MKI67: variants seen among roughly 807,000 people sequenced by gnomAD.
MKI67 encodes the protein proliferation marker protein Ki-67.
Under a neutral mutation model 233.5 loss-of-function variants are expected in MKI67, and 152 were observed. That is an observed-to-expected ratio of 0.65 (90% CI 0.57 to 0.74). The LOEUF is 0.74. Among genes scored for constraint, MKI67 ranks in the 30% least tolerant of loss-of-function variants. MKI67 has a pLI of 0.00. For missense variants in MKI67, 3,940 were observed against 3,885.2 expected, an observed-to-expected ratio of 1.01 and a Z score of -0.37; for synonymous variants, 1,465 against 1,418.5, an observed-to-expected ratio of 1.03 and a Z score of -0.74.
At chr10:128,121,579 A>G (rs10764750) in intron 4 of MKI67, among the ~76,000 whole-genome samples, 40,858 of 126,366 alleles carry the variant, frequency 0.32, 6,070 homozygotes, top group East Asian at 0.36. Flanking sequence ...TTATAATTAT[A>G]TATTATATAA....
intron 11 of MKI67, 96 bp downstream of exon 11, chr10:128,111,549 T>TAA: frequency 1.1e-6 from 1 of 951,180 alleles, no homozygotes; most frequent in Non-Finnish European, 1.5e-6. Context: ...TTATAATCTC[T>TAA]TTCACAGCAG....
rs546828967 is a variant in MKI67, at chr10:128,097,010, G to A, written c.*2180C>T. 1 of 152,734 alleles carries A rather than the reference G, an allele frequency of 6.5e-6. No homozygotes were observed. The highest frequency in any genetic ancestry group is 1.9e-4 in the East Asian group (1 of 5,178). 9.5% of individuals were successfully genotyped at this position (152,734 alleles called of 1,614,324 possible). ...GGGAAAACAGCAGGGAGTGTGTGGT[G>A]GTTGGAGGTGCCTGCCTAAGGGAGG... is the stretch of plus-strand genomic sequence containing the variant. On this transcript the variant is annotated 3_prime_UTR_variant, in exon 15 of 15. Coordinates refer to ENST00000368654, the MANE Select transcript of MKI67 (RefSeq NM_002417.5).
At chr10:128,118,475 C>G (rs1433581211) in intron 5 of MKI67, among the ~76,000 whole-genome samples, 1 of 150,200 alleles carries the variant, frequency 6.7e-6, no homozygotes, top group African/African-American at 2.4e-5. Flanking sequence ...CCTAAGATAA[C>G]TCTCCTAAGC....
chr10:128,106,632 G>A lies in MKI67; in HGVS notation c.5208C>T (p.Ser1736=), dbSNP rs1375900306. 1 of 1,614,146 alleles carries A rather than the reference G, an allele frequency of 6.2e-7. No individual in the cohort carries two copies. The highest frequency in any genetic ancestry group is 1.1e-5 in the South Asian group (1 of 91,086). ...SMTNEKTTKV[S]YRASQPDLVD... is the part of the protein sequence containing the mutation. ...CTAGGTCTGGCTGTGAAGCTCTGTA[G>A]GATACTTTGGTAGTTTTTTCGTTAG... Residue 1736 remains serine, a synonymous_variant, in exon 13 of 15, where the codon TCC becomes TCT. Coordinates refer to ENST00000368654, the MANE Select transcript of MKI67 (RefSeq NM_002417.5).
Position 128,098,926 on chromosome 10 carries a change from C to A in MKI67, c.*264G>T. 3.2e-6 allele frequency: 1 copy of A among 314,966 alleles called. No homozygotes were observed. Among genetic ancestry groups the A allele is most frequent in the Non-Finnish European group, 5.9e-6 (1 of 170,798 alleles). 19.5% of individuals were successfully genotyped at this position (314,966 alleles called of 1,614,324 possible). A position where few individuals can be genotyped will look rare whatever the true frequency, so the allele number is the denominator to read the frequency against. The stretch of plus-strand genomic sequence containing the variant: ...CTGTGGGTGGTGACAGACCTCAAGG[C>A]TTCATTCTGCAAAGCTGAGGGCAAA... On this transcript the variant is annotated 3_prime_UTR_variant, in exon 15 of 15. Transcript: ENST00000368654.
chr10:128,114,313 G>A (rs1297684857), intron 7 of MKI67, among the ~76,000 whole-genome samples: 1 of 152,162 alleles, frequency 6.6e-6, no homozygotes, highest in African/African-American at 2.4e-5. Context: ...TCCTACCTCT[G>A]CCACTTCCTG....
At chr10:128,113,087 C>T (rs1404478671) in intron 8 of MKI67, among the ~76,000 whole-genome samples, 1 of 152,168 alleles carries the variant, frequency 6.6e-6, no homozygotes, top group Non-Finnish European at 1.5e-5. Context: ...TATGGGTCGA[C>T]GTGGTAATGT....
rs1419872403 is a variant in MKI67 at position 128,106,170 on chromosome 10, A to C, written c.5670T>G (p.Phe1890Leu). Residue 1890 changes from phenylalanine to leucine, a missense_variant, in exon 13 of 15, where the codon TTT becomes TTG. Coordinates refer to ENST00000368654, the MANE Select transcript of MKI67 (RefSeq NM_002417.5). ...ATGGTGTTAGTTTCCTGAATGCTAA[A>C]AATTCTTCCTCTACGTCTGCTTTCT... Reference protein sequence around the residue: ...SLKKADVEEEFLAFRKLTPSA... With the variant: ...SLKKADVEEELLAFRKLTPSA... The C allele has an allele frequency of 6.2e-7, 1 of 1,612,422 alleles. No individual in the cohort carries two copies.
At chr10:128,112,775 G>A (rs1280569612) in intron 8 of MKI67, among the ~76,000 whole-genome samples, 8 of 152,308 alleles carry the variant, frequency 5.3e-5, no homozygotes, top group African/African-American at 1.9e-4. Flanking sequence ...CACATGGAGG[G>A]AGGACTGCTT....
chr10:128,123,259 A>G, intron 2 of MKI67, 90 bp from the exon 3 acceptor site: 1 of 881,810 alleles, frequency 1.1e-6, no homozygotes, highest in South Asian at 1.4e-5. Context: ...TTTGACTAGA[A>G]TGTTTGATCT....
chr10:128,105,469 GGT>G lies in MKI67; in HGVS notation c.6369_6370del (p.Pro2124PhefsTer29), dbSNP rs1265101557. On this transcript the variant is annotated frameshift_variant, in exon 13 of 15. Coordinates refer to ENST00000368654, the MANE Select transcript of MKI67 (RefSeq NM_002417.5). LOFTEE classifies it high-confidence loss of function. ...TTCCACTATATCCCTTTTCCCCAAA[GGT>G]GTTTTGGGCCGCCTCCTTGTGCTTG... 6.2e-7 allele frequency: 1 copy of G among 1,613,962 alleles called. No individual in the cohort carries two copies. Among genetic ancestry groups the G allele is most frequent in the South Asian group, 1.1e-5 (1 of 91,076 alleles).
chr10:128,118,680 G>A (rs1233745810), intron 5 of MKI67, among the ~76,000 whole-genome samples: 1 of 152,118 alleles, frequency 6.6e-6, no homozygotes, highest in Non-Finnish European at 1.5e-5. Flanking sequence ...TCTAAATTGC[G>A]AAGCACGTGT....
In MKI67 at chr10:128,109,207, G is replaced by A; in HGVS notation, c.2633C>T (p.Ser878Phe). 1 of 1,614,078 alleles carries A rather than the reference G, an allele frequency of 6.2e-7. No homozygotes were observed. Among genetic ancestry groups the A allele is most frequent in the Non-Finnish European group, 8.5e-7 (1 of 1,180,018 alleles). Residue 878 changes from serine (S) to phenylalanine (F), a missense_variant, in exon 13 of 15, where the codon TCT becomes TTT. Physicochemically the swap from Ser to Phe is radical, Grantham distance 155. Transcript: ENST00000368654. ...CTTCTGTATATTCCTGAACTCTGTAGACCTTCCTGACCTGTTTGCAGTGGA... is the reference window on the plus strand; with the variant it reads ...CTTCTGTATATTCCTGAACTCTGTAAACCTTCCTGACCTGTTTGCAGTGGA... Reference protein sequence around the residue: ...TVSTANRSGRSTEFRNIQKLP... With the variant: ...TVSTANRSGRFTEFRNIQKLP...
Position 128,105,340 on chromosome 10 carries a change from T to G in MKI67, c.6500A>C (p.Lys2167Thr), listed in dbSNP as rs770104195. ...INVFRETAKQ[K>T]LDPAASVTGS... is the part of the protein sequence containing the mutation. ...AGTTACACTTGCTGCTGGGTCCAGT[T>G]TCTGTTTTGCAGTTTCCCTGAACAC... The change falls in exon 13 of 15, where the codon AAA becomes ACA. Residue 2167 changes from lysine (K) to threonine (T), a missense_variant. By Grantham distance (78) the Lys-to-Thr change is moderately conservative. Coordinates refer to ENST00000368654, the MANE Select transcript of MKI67 (RefSeq NM_002417.5). The G allele has an allele frequency of 4.3e-6, 7 of 1,613,906 alleles. No individual in the cohort carries two copies. The highest frequency in any genetic ancestry group is 5.1e-6 in the Non-Finnish European group (6 of 1,180,028).
Position 128,105,824 on chromosome 10 carries a change from C to A in MKI67, c.6016G>T (p.Val2006Leu). 6.2e-7 allele frequency: 1 copy of A among 1,614,172 alleles called. No homozygotes were observed. The highest frequency in any genetic ancestry group is 8.5e-7 in the Non-Finnish European group (1 of 1,180,038). The change falls in exon 13 of 15, where the codon GTA becomes TTA. Residue 2006 changes from valine to leucine, a missense_variant. Val to Leu is a conservative substitution (Grantham distance 32). Coordinates refer to ENST00000368654, the MANE Select transcript of MKI67 (RefSeq NM_002417.5). ...GGTAGGACCTCTTCTTTCACACCTA[C>A]TTTCCCCAAGGATATCTTGAGTCGT... ...KQRLKISLGK[V>L]GVKEEVLPVG...
rs1461457274 is a variant in MKI67 at position 128,109,434 on chromosome 10, A to C, written c.2417-11T>G. On this transcript the variant is annotated splice_polypyrimidine_tract_variant and intron_variant, in intron 12 of 14. Coordinates refer to ENST00000368654, the MANE Select transcript of MKI67 (RefSeq NM_002417.5). ...AGAACACATTTCCTCCTGAAATAAA[A>C]ACATACACAATAAAAACATTCTATT... 1 of 1,597,740 alleles carries C rather than the reference A, an allele frequency of 6.3e-7. No homozygotes were observed. Among genetic ancestry groups the C allele is most frequent in the Non-Finnish European group, 8.5e-7 (1 of 1,171,810 alleles).
chr10:128,104,531 G>A lies in MKI67; in HGVS notation c.7309C>T (p.Leu2437=), dbSNP rs199757065. 1 of 1,614,130 alleles carries A rather than the reference G, an allele frequency of 6.2e-7. No individual in the cohort carries two copies. The highest frequency in any genetic ancestry group is 1.1e-5 in the South Asian group (1 of 91,078). Residue 2437 remains leucine (L), a synonymous_variant, in exon 13 of 15, where the codon CTG becomes TTG. Transcript: ENST00000368654. The part of the protein sequence containing the change: ...PKEKAEALED[L]VGFKELFQTP... ...TGGAAGAGTTCTTTGAAGCCAACCA[G>A]GTCCTCTAGAGCCTCAGCCTTTTCC...
At position 128,108,696 on chromosome 10, in the gene MKI67, TGAC is replaced by T; in HGVS notation, c.3141_3143del (p.Ser1048del). ...CTCTGTGCGTGTGCGTGGTCTCCCCTGACGTCCGTGTGAACTTGCCGACTGCTA... is the reference window on the plus strand; with the variant it reads ...CTCTGTGCGTGTGCGTGGTCTCCCCTGTCCGTGTGAACTTGCCGACTGCTA... On this transcript the variant is annotated inframe_deletion, in exon 13 of 15. Transcript: ENST00000368654. 6.2e-7 allele frequency: 1 copy of T among 1,614,246 alleles called. No individual in the cohort carries two copies. The highest frequency in any genetic ancestry group is 8.5e-7 in the Non-Finnish European group (1 of 1,180,046).
At chr10:128,114,762 A>G (rs531223709) in intron 7 of MKI67, among the ~76,000 whole-genome samples, 166 bp downstream of exon 7, 2 of 152,286 alleles carry the variant, frequency 1.3e-5, no homozygotes, top group South Asian at 2.1e-4. Context: ...GGCCTTCAGT[A>G]TTCATCTATT....
Sources: allele counts gnomAD v4.1 joint callset (sites outside exome capture counted in the v4.1 genomes callset), GRCh38; gene constraint gnomAD v4.1.1; transcripts MANE v1.5; gene names NCBI Gene and HGNC (gene_info 2026-07-23, HGNC 2026-07-21).